Variants in ADCY5 observed in about 807,000 individuals in gnomAD.
The protein encoded by ADCY5 is adenylate cyclase 5.
Under a neutral mutation model 119.7 loss-of-function variants are expected in ADCY5, and 30 were observed. The ratio of observed to expected loss-of-function variants is 0.25; its 90% CI spans 0.19 to 0.34. ADCY5 has a LOEUF of 0.34. Ranked by LOEUF, ADCY5 falls within the 10% of genes least tolerant of loss-of-function variation. The pLI, the probability that ADCY5 is intolerant of heterozygous loss-of-function variation, is 1.00. For missense variants in ADCY5, 1,324 were observed against 1,775.2 expected (o/e 0.75, Z 4.57); for synonymous variants, 753 against 762.2 (o/e 0.99, Z 0.20).
chr3:123,443,647 T>C (rs944245827), intron 1 of ADCY5, among the ~76,000 whole-genome samples: 4 of 152,072 alleles, frequency 2.6e-5, no homozygotes, highest in African/African-American at 7.2e-5. Context: ...AGTTGTAGGT[T>C]CAAATAGGCA....
intron 17 of ADCY5, among the ~76,000 whole-genome samples, chr3:123,293,309 G>A (rs1939279866): frequency 6.6e-6 from 1 of 152,010 alleles, no homozygotes; most frequent in South Asian, 2.1e-4. Context: ...AACTGTACAG[G>A]GGCTGCTAAG....
At chr3:123,366,082 GA>G (rs1276583062) in intron 1 of ADCY5, among the ~76,000 whole-genome samples, 2 of 152,184 alleles carry the variant, frequency 1.3e-5, no homozygotes, top group Non-Finnish European at 1.5e-5. Flanking sequence ...ATGATAAAAT[GA>G]TATTCTGGAT....
At chr3:123,316,956 ATTAC>A (rs146271144) in intron 11 of ADCY5, among the ~76,000 whole-genome samples, 4,859 of 152,332 alleles carry the variant, frequency 0.032, 94 homozygotes, top group South Asian at 0.074. Flanking sequence ...TACTGATTAG[ATTAC>A]TTACTTTTCT....
chr3:123,305,776 T>A (rs537936083), intron 12 of ADCY5, among the ~76,000 whole-genome samples: 6 of 152,300 alleles, frequency 3.9e-5, no homozygotes, highest in Non-Finnish European at 7.4e-5. Flanking sequence ...AGGGTGTATA[T>A]CTTTCTGACC....
rs1299120279 is a variant in ADCY5 at position 123,282,455 on chromosome 3, G to A, written c.*2153C>T. ...GCACTGCACCTGCACACTGTCACCA[G>A]TCACTGCTGGGATGGGAGAGGGGTC... On this transcript the variant is annotated 3_prime_UTR_variant, in exon 21 of 21. Coordinates refer to ENST00000462833, the MANE Select transcript of ADCY5 (RefSeq NM_183357.3). 2 of 152,378 alleles carry A rather than the reference G, an allele frequency of 1.3e-5. No homozygotes were observed. The highest frequency in any genetic ancestry group is 2.9e-5 in the Non-Finnish European group (2 of 68,140). 9.4% of individuals were successfully genotyped at this position (152,378 alleles called of 1,614,324 possible). A position where few individuals can be genotyped will look rare whatever the true frequency, so the allele number is the denominator to read the frequency against.
chr3:123,296,355 C>T (rs1939510500), intron 16 of ADCY5, 139 bp from the exon 17 acceptor site: 1 of 1,038,260 alleles, frequency 9.6e-7, no homozygotes, highest in South Asian at 1.7e-5. Context: ...CCTGCTCAAA[C>T]TTTGCCGCAC....
intron 1 of ADCY5, among the ~76,000 whole-genome samples, chr3:123,413,639 A>G (rs1186397833): frequency 2.0e-5 from 3 of 152,220 alleles, no homozygotes; most frequent in Non-Finnish European, 2.9e-5. Context: ...ACAAGACTGC[A>G]GGCCCATCCA....
rs1576567222 is a variant in ADCY5, at chr3:123,319,604, T to C, written c.2256+70A>G. On this transcript the variant is annotated intron_variant, in intron 10 of 20. Coordinates refer to ENST00000462833, the MANE Select transcript of ADCY5 (RefSeq NM_183357.3). Reference sequence around the variant, plus strand: ...TGCTGGGGGCATGAGGGAGCCCTCCTGTTTTCTTGCCCTCCTCCTCCTGGT... The same window carrying C: ...TGCTGGGGGCATGAGGGAGCCCTCCCGTTTTCTTGCCCTCCTCCTCCTGGT... 4.4e-6 allele frequency: 7 copies of C among 1,579,988 alleles called. No individual in the cohort carries two copies. In the East Asian group the frequency reaches 6.8e-5, roughly 15 times the overall value.
chr3:123,340,806 C>T (rs1942243938), intron 3 of ADCY5, among the ~76,000 whole-genome samples: 1 of 152,082 alleles, frequency 6.6e-6, no homozygotes, highest in African/African-American at 2.4e-5. Flanking sequence ...TCCAGCAATG[C>T]CATTCTAGAT....
chr3:123,314,076 C>T (rs1940747547), intron 12 of ADCY5, among the ~76,000 whole-genome samples, 159 bp downstream of exon 12: 1 of 152,210 alleles, frequency 6.6e-6, no homozygotes, highest in Non-Finnish European at 1.5e-5. Context: ...GAGCTTGCTG[C>T]CAATGCCATT....
In ADCY5 at chr3:123,308,056, C is replaced by T. The variant is rs527825083; in HGVS notation, c.2443-3873G>A. On this transcript the variant is annotated intron_variant, in intron 12 of 20. Coordinates refer to ENST00000462833, the MANE Select transcript of ADCY5 (RefSeq NM_183357.3). The stretch of plus-strand genomic sequence containing the variant: ...TTTTTTTTTTTTTTTTTTTTTGAGA[C>T]AGAGTCTCGCTCTGTCGCCCAGGCT... 1.2e-4 allele frequency among the ~76,000 whole-genome samples: 12 copies of T among 99,024 alleles called. No individual in the cohort carries two copies. In the East Asian group the frequency reaches 3.4e-3, roughly 28 times the overall value. 65.0% of individuals were successfully genotyped at this position (99,024 alleles called of 152,430 possible).
intron 1 of ADCY5, among the ~76,000 whole-genome samples, chr3:123,380,751 C>A: frequency 6.6e-6 from 1 of 152,196 alleles, no homozygotes; most frequent in East Asian, 1.9e-4. Context: ...AATAAGCTAT[C>A]ATATGTAAAG....
chr3:123,403,940 G>C (rs1489071459), intron 1 of ADCY5, among the ~76,000 whole-genome samples: 1 of 152,144 alleles, frequency 6.6e-6, no homozygotes, highest in South Asian at 2.1e-4. Context: ...CTCTCCTGTA[G>C]CCTTCCTTAC....
chr3:123,303,874 AAGAGAAGAGAAGAGAAGAG>A (rs775081006), intron 13 of ADCY5, among the ~76,000 whole-genome samples, 174 bp downstream of exon 13: 8,144 of 140,704 alleles, frequency 0.058, 763 homozygotes, highest in East Asian at 0.48. Flanking sequence ...AAGAGAAGAG[AAGAGAAGAGAAGAGAAGAG>A]AAGAAAGAAC....
intron 1 of ADCY5, among the ~76,000 whole-genome samples, chr3:123,429,514 G>A (rs141072110): frequency 8.0e-4 from 121 of 152,122 alleles, no homozygotes; most frequent in Middle Eastern, 3.4e-3. Flanking sequence ...TCAGGAGCAC[G>A]ACCCACCCAC....
In ADCY5 at chr3:123,328,557, C is replaced by T. The variant is rs1000063996; in HGVS notation, c.1805+87G>A. On this transcript the variant is annotated intron_variant, in intron 6 of 20. Transcript: ENST00000462833. ...CCATCCTGCCCACCCCACCCTGCCC[C>T]GCCTCGCCTCTGCAGGATGGTCACC... 77 of 1,502,238 alleles carry T rather than the reference C, an allele frequency of 5.1e-5. No individual in the cohort carries two copies. In the Admixed American group the frequency reaches 1.2e-3, roughly 23 times the overall value. 93.1% of individuals were successfully genotyped at this position (1,502,238 alleles called of 1,614,324 possible).
At chr3:123,426,899 T>A (rs1945427075) in intron 1 of ADCY5, among the ~76,000 whole-genome samples, 2 of 152,002 alleles carry the variant, frequency 1.3e-5, no homozygotes, top group South Asian at 4.1e-4. Flanking sequence ...AACACCTGGA[T>A]GAAGGCAGAG....
chr3:123,353,218 G>A (rs1332428972), intron 1 of ADCY5, among the ~76,000 whole-genome samples: 6 of 152,086 alleles, frequency 3.9e-5, no homozygotes, highest in Admixed American at 3.3e-4. Context: ...CATTTCCCCC[G>A]CTCCCCAACA....
At chr3:123,401,099 C>T (rs947231337) in intron 1 of ADCY5, among the ~76,000 whole-genome samples, 7 of 152,180 alleles carry the variant, frequency 4.6e-5, no homozygotes, top group African/African-American at 9.7e-5. Flanking sequence ...CATTGTAACG[C>T]TAATAGTGGC....
Sources: gnomAD v4.1 joint callset for allele counts (sites outside exome capture counted in the v4.1 genomes callset) on GRCh38, gnomAD v4.1.1 for gene constraint, MANE v1.5 for transcripts, NCBI Gene and HGNC (gene_info 2026-07-23, HGNC 2026-07-21) for gene names.